Variants in PLCG2 observed in about 807,000 individuals in gnomAD.
PLCG2 encodes the protein phospholipase C gamma 2.
Under a neutral mutation model 175.6 loss-of-function variants are expected in PLCG2, and 69 were observed. The observed-to-expected ratio is 0.39, with a 90% CI of 0.32 to 0.48. The LOEUF (loss-of-function observed/expected upper bound fraction) is 0.48, where lower values mean the gene tolerates loss of function less well. Among genes scored for constraint, PLCG2 ranks in the 20% least tolerant of loss-of-function variants. PLCG2 has a pLI of 0.91. For missense variants in PLCG2, 1,798 were observed against 1,650.9 expected (o/e 1.09, Z -1.54); for synonymous variants, 827 against 624.0 (o/e 1.33, Z -4.85).
chr16:81,847,612 A>G (rs1044055056), intron 2 of PLCG2, among the ~76,000 whole-genome samples: 2 of 152,330 alleles, frequency 1.3e-5, no homozygotes, highest in East Asian at 3.9e-4. Context: ...ATATGCAGTC[A>G]GTCCTCTGTA....
At chr16:81,811,827 CA>C (rs1567476765) in intron 2 of PLCG2, among the ~76,000 whole-genome samples, 3 of 152,142 alleles carry the variant, frequency 2.0e-5, no homozygotes, top group African/African-American at 7.2e-5. Context: ...CCGCAATAAA[CA>C]TATGTGTGCA....
At chr16:81,785,332 C>G (rs943279877) in intron 1 of PLCG2, among the ~76,000 whole-genome samples, 1 of 152,110 alleles carries the variant, frequency 6.6e-6, no homozygotes, top group African/African-American at 2.4e-5. Flanking sequence ...GTCAAGCAGT[C>G]TACCCAGAGC....
intron 2 of PLCG2, among the ~76,000 whole-genome samples, chr16:81,759,506 A>G (rs1909994882): frequency 1.3e-5 from 2 of 152,196 alleles, no homozygotes; most frequent in African/African-American, 2.4e-5. Flanking sequence ...CAAGCAGGAA[A>G]GCTGCATTTT....
intron 1 of PLCG2, among the ~76,000 whole-genome samples, chr16:81,779,628 G>T (rs1910638477): frequency 6.6e-6 from 1 of 152,102 alleles, no homozygotes; most frequent in African/African-American, 2.4e-5. Context: ...CCAGCCGCTG[G>T]CCACTTCCTC....
chr16:81,762,291 G>A (rs2143089353), intron 2 of PLCG2, among the ~76,000 whole-genome samples: 1 of 152,164 alleles, frequency 6.6e-6, no homozygotes, highest in African/African-American at 2.4e-5. Flanking sequence ...AAAATGGTCT[G>A]GGCATGGTGG....
At chr16:81,946,829 A>C (rs992349282) in intron 31 of PLCG2, among the ~76,000 whole-genome samples, 2 of 151,988 alleles carry the variant, frequency 1.3e-5, no homozygotes, top group East Asian at 1.9e-4. Flanking sequence ...AATTTAGCTG[A>C]ATGGTAAAAC....
In PLCG2 at chr16:81,905,538, C is replaced by A. The variant is rs201777471; in HGVS notation, c.1467+31C>A. The A allele has an allele frequency of 1.2e-5, 17 of 1,453,814 alleles. No individual in the cohort carries two copies. In the South Asian group the frequency reaches 1.7e-4, roughly 15 times the overall value. 90.1% of individuals were successfully genotyped at this position (1,453,814 alleles called of 1,614,324 possible). The stretch of plus-strand genomic sequence containing the variant: ...CCTTGGTCCCTTCCCGTAGCCACTG[C>A]GGCCACGCCCCTTGCAGCTGCTTCT... On this transcript the variant is annotated intron_variant, in intron 15 of 32. Transcript: ENST00000564138.
intron 2 of PLCG2, 46 bp from the exon 3 acceptor site, chr16:81,854,398 G>A (rs1906577166): frequency 6.3e-7 from 1 of 1,589,146 alleles, no homozygotes; most frequent in Non-Finnish European, 8.6e-7. Flanking sequence ...ATCCTCAGGT[G>A]GAGGGAACTC....
chr16:81,817,103 G>A (rs1160030302), intron 2 of PLCG2, among the ~76,000 whole-genome samples: 4 of 152,150 alleles, frequency 2.6e-5, no homozygotes, highest in Admixed American at 1.3e-4. Flanking sequence ...GAGACGGATG[G>A]TAAACAGGGA....
chr16:81,766,076 CT>C (rs1462614733), intron 2 of PLCG2, among the ~76,000 whole-genome samples: 8 of 152,232 alleles, frequency 5.3e-5, no homozygotes, highest in African/African-American at 1.9e-4. Context: ...CCTACCTCTT[CT>C]GTCTCCTGTC....
intron 2 of PLCG2, among the ~76,000 whole-genome samples, chr16:81,789,427 C>G (rs984300824): frequency 9.2e-5 from 14 of 152,260 alleles, no homozygotes; most frequent in Middle Eastern, 3.4e-3. Context: ...GTAGCTGAGA[C>G]TACAGGTGAG....
rs781577904 is a variant in PLCG2, at chr16:81,870,844, A to T, written c.565-8A>T. ...AAAATCATGTGGTCACTTTTTTCAT[A>T]TTTACAGGAAATAGGAGCACACAAA... On this transcript the variant is annotated splice_region_variant and splice_polypyrimidine_tract_variant and intron_variant, in intron 6 of 32. Coordinates refer to ENST00000564138, the MANE Select transcript of PLCG2 (RefSeq NM_002661.5). 5.1e-5 allele frequency: 79 copies of T among 1,539,810 alleles called. No homozygotes were observed. The highest frequency in any genetic ancestry group is 6.5e-5 in the Non-Finnish European group (73 of 1,125,800).
In PLCG2 at chr16:81,786,059, C is replaced by T; in HGVS notation, c.70C>T (p.Leu24=). The T allele has an allele frequency of 1.2e-6, 2 of 1,614,202 alleles. No individual in the cohort carries two copies. Among genetic ancestry groups the T allele is most frequent in the Non-Finnish European group, 1.7e-6 (2 of 1,180,020 alleles). ...GAGCCAGATCAAGAGAGCCCTGGAG[C>T]TGGGGACGGTGATGACTGTGTTCAG... is the stretch of plus-strand genomic sequence containing the variant. ...EKSQIKRALE[L]GTVMTVFSFR... Residue 24 remains leucine (L), a synonymous_variant, in exon 2 of 33, where the codon CTG becomes TTG. Coordinates refer to ENST00000564138, the MANE Select transcript of PLCG2 (RefSeq NM_002661.5).
chr16:81,887,730 T>G (rs1169395402), intron 9 of PLCG2, among the ~76,000 whole-genome samples: 1 of 152,246 alleles, frequency 6.6e-6, no homozygotes, highest in Non-Finnish European at 1.5e-5. Flanking sequence ...GTCATAAAGA[T>G]AAAGTTGTTA....
At position 81,802,269 on chromosome 16, in the gene PLCG2, C is replaced by T. The variant is rs535328799; in HGVS notation, c.193+16087C>T. Among the ~76,000 whole-genome samples, 9 of 151,788 alleles carry T rather than the reference C, an allele frequency of 5.9e-5. No homozygotes were observed. The South Asian group carries it at 8.4e-4, about 14-fold the overall frequency. Reference sequence around the variant, plus strand: ...TTGGGATTACAGGCGCCCGCCACCGCGCCCAGCTAATTTTTTGTATTTTTA... The same window carrying T: ...TTGGGATTACAGGCGCCCGCCACCGTGCCCAGCTAATTTTTTGTATTTTTA... On this transcript the variant is annotated intron_variant, in intron 2 of 32. Transcript: ENST00000564138.
At chr16:81,950,533 G>GAAAT (rs1227758274) in intron 31 of PLCG2, among the ~76,000 whole-genome samples, 1 of 152,112 alleles carries the variant, frequency 6.6e-6, no homozygotes, top group African/African-American at 2.4e-5. Flanking sequence ...TTTGCCTTAA[G>GAAAT]AAATATACAA....
intron 2 of PLCG2, among the ~76,000 whole-genome samples, chr16:81,848,534 C>T (rs1304688231): frequency 6.6e-6 from 1 of 152,134 alleles, no homozygotes; most frequent in Non-Finnish European, 1.5e-5. Context: ...TCTGGGTAAC[C>T]TGTGCTTTTC....
chr16:81,881,769 G>A (rs1210863548), intron 8 of PLCG2, among the ~76,000 whole-genome samples: 1 of 151,654 alleles, frequency 6.6e-6, no homozygotes, highest in Non-Finnish European at 1.5e-5. Context: ...CTCATCCTCC[G>A]AATAGCTGGG....
At chr16:81,747,893 A>T (rs1567692228) in intron 1 of PLCG2, among the ~76,000 whole-genome samples, 1 of 150,492 alleles carries the variant, frequency 6.6e-6, no homozygotes, top group African/African-American at 2.4e-5. Context: ...TTTTCTTTCC[A>T]TTTTTTTTTG....
Sources: gnomAD v4.1 joint callset for allele counts (sites outside exome capture counted in the v4.1 genomes callset) on GRCh38, gnomAD v4.1.1 for gene constraint, MANE v1.5 for transcripts, NCBI Gene and HGNC (gene_info 2026-07-23, HGNC 2026-07-21) for gene names.